The following LRTM1 variants were observed in gnomAD, a reference collection of about 807,000 sequenced individuals.
LRTM1 encodes leucine-rich repeat and transmembrane domain-containing protein 1.
A neutral mutation model predicts 32.4 loss-of-function variants in LRTM1; 38 were observed. The observed-to-expected ratio is 1.17, with a 90% confidence interval of 0.91 to 1.54. The LOEUF is 1.54. LRTM1 is among the 40% of genes most tolerant of loss of function. LRTM1 has a pLI of 0.00. For missense variants in LRTM1, 466 were observed against 415.4 expected (o/e 1.12, Z -1.06); for synonymous variants, 186 against 169.9 (o/e 1.09, Z -0.74).
upstream of LRTM1, among the ~76,000 whole-genome samples, chr3:54,930,778 A>G (rs1701167999): frequency 6.6e-6 from 1 of 152,228 alleles, no homozygotes; most frequent in Non-Finnish European, 1.5e-5. Context: ...TGCCTAGCAC[A>G]TATCTGGTAG....
At chr3:54,953,405 C>T (rs961664121) in intron 1 of LRTM1, among the ~76,000 whole-genome samples, 5 of 152,148 alleles carry the variant, frequency 3.3e-5, no homozygotes, top group African/African-American at 1.2e-4. Flanking sequence ...GGCTTCTTAC[C>T]TATAGAGGTG....
intron 1 of LRTM1, among the ~76,000 whole-genome samples, chr3:54,945,447 C>G (rs967630019): frequency 1.1e-4 from 17 of 152,200 alleles, no homozygotes; most frequent in Non-Finnish European, 1.0e-4. Flanking sequence ...GCATGTATCT[C>G]TTTTTCCCTA....
chr3:54,930,585 C>G (rs1228920927), upstream of LRTM1, among the ~76,000 whole-genome samples: 5 of 152,186 alleles, frequency 3.3e-5, no homozygotes, highest in Non-Finnish European at 5.9e-5. Flanking sequence ...GGCAGAGAAC[C>G]AAAGGCAGTC....
At chr3:54,951,648 TCCCAGTTC>T (rs1324812519) in intron 1 of LRTM1, among the ~76,000 whole-genome samples, 1 of 150,692 alleles carries the variant, frequency 6.6e-6, no homozygotes, top group Non-Finnish European at 1.5e-5. Flanking sequence ...AGGGCTCCAG[TCCCAGTTC>T]CAAGAAGTCC....
At chr3:54,936,627 G>A (rs997900321) in intron 1 of LRTM1, among the ~76,000 whole-genome samples, 3 of 152,124 alleles carry the variant, frequency 2.0e-5, no homozygotes, top group African/African-American at 7.2e-5. Flanking sequence ...CCCATATTGG[G>A]TTACCTACTA....
intron 1 of LRTM1, among the ~76,000 whole-genome samples, chr3:54,940,596 C>T (rs557607321): frequency 6.6e-6 from 1 of 152,300 alleles, no homozygotes; most frequent in East Asian, 1.9e-4. Context: ...AACCTTGCTA[C>T]AGGCTACTCC....
At chr3:54,958,761 G>A (rs926536485) in intron 1 of LRTM1, among the ~76,000 whole-genome samples, 7 of 151,852 alleles carry the variant, frequency 4.6e-5, no homozygotes, top group African/African-American at 1.7e-4. Context: ...ATTGCCTGGG[G>A]ATGTTCTGTG....
chr3:54,963,572 G>C (rs1702080570), intron 1 of LRTM1, among the ~76,000 whole-genome samples: 1 of 152,208 alleles, frequency 6.6e-6, no homozygotes, highest in Non-Finnish European at 1.5e-5. Flanking sequence ...AATTTGGACA[G>C]CACAGGATCA....
In LRTM1 at chr3:54,918,857, C is replaced by T. The variant is rs1700747901; in HGVS notation, c.640G>A (p.Asp214Asn). The T allele has an allele frequency of 6.4e-7, 1 of 1,566,480 alleles. No homozygotes were observed. The highest frequency in any genetic ancestry group is 1.4e-5 in the African/African-American group (1 of 73,560). ...LTDGIICESP[D>N]TWKGKDLLRI... Reference sequence around the variant, plus strand: ...AGGAGGTCCTTTCCCTTCCAGGTGTCTGGTGATTCACAGATGATGCCGTCT... The same window carrying T: ...AGGAGGTCCTTTCCCTTCCAGGTGTTTGGTGATTCACAGATGATGCCGTCT... The change falls in exon 3 of 3, where the codon GAC (aspartate) becomes AAC (asparagine). Residue 214 changes from aspartate (D) to asparagine (N), a missense_variant. Asp to Asn is a conservative substitution (Grantham distance 23, BLOSUM62 1). Transcript: ENST00000273286.
At chr3:54,933,609 C>G (rs1032942357) in intron 1 of LRTM1, among the ~76,000 whole-genome samples, 1 of 152,198 alleles carries the variant, frequency 6.6e-6, no homozygotes, top group African/African-American at 2.4e-5. Flanking sequence ...CAGTTTCTGC[C>G]TCCACATTTT....
chr3:54,938,690 T>G (rs1377732077), intron 1 of LRTM1, among the ~76,000 whole-genome samples: 2 of 151,974 alleles, frequency 1.3e-5, no homozygotes, highest in African/African-American at 4.8e-5. Context: ...CATGGTAATT[T>G]TTCTACAGTG....
intron 1 of LRTM1, among the ~76,000 whole-genome samples, chr3:54,936,442 A>G (rs1251345288): frequency 1.3e-5 from 2 of 152,164 alleles, no homozygotes; most frequent in Non-Finnish European, 2.9e-5. Flanking sequence ...TCGCTCCACA[A>G]ACAAAGGAAA....
chr3:54,928,189 G>A, upstream of LRTM1: 1 of 485,524 alleles, frequency 2.1e-6, no homozygotes, highest in Middle Eastern at 5.4e-4. Flanking sequence ...GCCTCCCCAG[G>A]ATCATCCCTG....
At chr3:54,964,409 A>ATT (rs35654800) in intron 1 of LRTM1, among the ~76,000 whole-genome samples, 1 of 150,152 alleles carries the variant, frequency 6.7e-6, no homozygotes, top group African/African-American at 2.5e-5. Flanking sequence ...AGGAATGGTG[A>ATT]TTTTTTTTTT....
intron 1 of LRTM1, among the ~76,000 whole-genome samples, chr3:54,935,719 A>C (rs1701311693): frequency 6.6e-6 from 1 of 152,200 alleles, no homozygotes; most frequent in East Asian, 1.9e-4. Flanking sequence ...AGTTTCTGTA[A>C]TAGATTACAA....
At chr3:54,963,936 G>C (rs537046242) in intron 1 of LRTM1, among the ~76,000 whole-genome samples, 1 of 152,184 alleles carries the variant, frequency 6.6e-6, no homozygotes, top group Non-Finnish European at 1.5e-5. Flanking sequence ...TTGAAGTTTC[G>C]ATATCTGTAG....
chr3:54,921,389 C>T lies in LRTM1; in HGVS notation c.605-2497G>A, dbSNP rs1700846140. Among the ~76,000 whole-genome samples, 3 of 152,220 alleles carry T rather than the reference C, an allele frequency of 2.0e-5. 1 individual carries two copies. Among genetic ancestry groups the T allele is most frequent in the Admixed American group, 2.0e-4 (3 of 15,292 alleles). ...AATATATCAAGTATTTAGCATAATA[C>T]CTAGCTCAGAGTAAATGTTTAGTGA... On this transcript the variant is annotated intron_variant, in intron 2 of 2. Transcript: ENST00000273286.
At chr3:54,922,814 C>T (rs1224179307) in intron 2 of LRTM1, among the ~76,000 whole-genome samples, 1 of 152,108 alleles carries the variant, frequency 6.6e-6, no homozygotes, top group Non-Finnish European at 1.5e-5. Flanking sequence ...CCAACACACT[C>T]ACTCACTCCC....
chr3:54,950,354 A>T (rs1257183768), intron 1 of LRTM1, among the ~76,000 whole-genome samples: 1 of 152,162 alleles, frequency 6.6e-6, no homozygotes, highest in Non-Finnish European at 1.5e-5. Flanking sequence ...GCCCCTTTTA[A>T]TCTGCTGAGG....
Sources: gnomAD v4.1 joint callset for allele counts (sites outside exome capture counted in the v4.1 genomes callset) on GRCh38, gnomAD v4.1.1 for gene constraint, MANE v1.5 for transcripts, NCBI Gene and HGNC (gene_info 2026-07-23, HGNC 2026-07-21) for gene names.